RET: variants seen among roughly 807,000 people sequenced by gnomAD.
The protein encoded by RET is ret proto-oncogene.
In RET, 19 loss-of-function variants were observed where a neutral mutation model predicts 118.3. That is an observed-to-expected ratio of 0.16 (90% CI 0.11 to 0.24). The LOEUF (loss-of-function observed/expected upper bound fraction) is 0.24. RET is among the 10% of genes least tolerant of loss of function. The pLI is 1.00. For missense variants in RET, 1,219 were observed against 1,502.1 expected, an observed-to-expected ratio of 0.81 and a Z score of 3.12; for synonymous variants, 597 against 644.1, an observed-to-expected ratio of 0.93 and a Z score of 1.11.
rs1406283210 is a variant in RET at position 43,077,297 on chromosome 10, G to A, written c.39G>A (p.Leu13=). ...CGTCCGGTGCCGCGGGGCTGCGTCT[G>A]CTGTTGCTGCTGCTGCTGCCGCTGC... ...KATSGAAGLR[L]LLLLLLPLLG... is the part of the protein sequence containing the mutation. The change falls in exon 1 of 20, where the codon CTG becomes CTA. Residue 13 remains leucine, a synonymous_variant. Transcript: ENST00000355710. The A allele has an allele frequency of 6.6e-7, 1 of 1,511,942 alleles. No individual in the cohort carries two copies. The highest frequency in any genetic ancestry group is 2.6e-5 in the East Asian group (1 of 38,748). 93.7% of individuals were successfully genotyped at this position (1,511,942 alleles called of 1,614,324 possible).
rs1163879495 is a variant in RET at position 43,106,354 on chromosome 10, C to T, written c.868-22C>T. ...AGGGGCCCATCTCGCCTGCACTGACCAACGCCCTCTGCATCCTGCAGGACA... is the reference window on the plus strand; with the variant it reads ...AGGGGCCCATCTCGCCTGCACTGACTAACGCCCTCTGCATCCTGCAGGACA... On this transcript the variant is annotated intron_variant, in intron 4 of 19. Coordinates refer to ENST00000355710, the MANE Select transcript of RET (RefSeq NM_020975.6). The surrounding 1 kb of genome is among the most constrained non-coding windows in gnomAD (Gnocchi z 5.1). 6.2e-7 allele frequency: 1 copy of T among 1,605,126 alleles called. No homozygotes were observed. Among genetic ancestry groups the T allele is most frequent in the Admixed American group, 1.7e-5 (1 of 60,000 alleles).
At chr10:43,121,713 T>A (rs1015529043) in intron 15 of RET, among the ~76,000 whole-genome samples, 4 of 152,132 alleles carry the variant, frequency 2.6e-5, no homozygotes, top group African/African-American at 9.7e-5. Context: ...AAGCTGGCCC[T>A]GTGTGCCTGT....
At chr10:43,096,346 G>A (rs138282163) in intron 1 of RET, among the ~76,000 whole-genome samples, 128 of 152,154 alleles carry the variant, frequency 8.4e-4, no homozygotes, top group African/African-American at 2.9e-3. Context: ...ACCTGCTGGC[G>A]CCTGGCTTCC....
intron 3 of RET, 24 bp downstream of exon 3, chr10:43,102,653 GC>G (rs1837668935): frequency 9.9e-6 from 16 of 1,613,008 alleles, no homozygotes; most frequent in African/African-American, 2.7e-5. Context: ...TTGTGGGGCC[GC>G]CCCACAGTGC....
At chr10:43,097,693 C>T (rs1263178325) in intron 1 of RET, among the ~76,000 whole-genome samples, 1 of 152,248 alleles carries the variant, frequency 6.6e-6, no homozygotes, top group Non-Finnish European at 1.5e-5. Flanking sequence ...GTACAGTGAG[C>T]ACTTCAAGAG....
chr10:43,114,597 A>C lies in RET; in HGVS notation c.1997A>C (p.Lys666Thr), dbSNP rs377767439. The C allele has an allele frequency of 6.2e-7, 1 of 1,612,694 alleles. No individual in the cohort carries two copies. Among genetic ancestry groups the C allele is most frequent in the South Asian group, 1.1e-5 (1 of 91,044 alleles). Residue 666 changes from lysine (K) to threonine (T), a missense_variant, in exon 11 of 20, where the codon AAG (lysine) becomes ACG (threonine). Around this residue, in one of 5 missense-constraint regions of RET, gnomAD observed 850 missense variants for 969.6 expected, o/e 0.88. Transcript: ENST00000355710. The surrounding 1 kb of genome is among the most constrained non-coding windows in gnomAD (Gnocchi z 4.6). ...CACTGCTACCACAAGTTTGCCCACA[A>C]GCCACCCATCTCCTCAGCTGAGATG... ...CIHCYHKFAH[K>T]PPISSAEMTF...
At chr10:43,098,153 A>T (rs1022371702) in intron 1 of RET, among the ~76,000 whole-genome samples, 1 of 152,168 alleles carries the variant, frequency 6.6e-6, no homozygotes, top group African/African-American at 2.4e-5. Flanking sequence ...AAGTACATTC[A>T]CATTGTTGTA....
At chr10:43,086,354 G>A (rs951327930) in intron 1 of RET, among the ~76,000 whole-genome samples, 1 of 152,230 alleles carries the variant, frequency 6.6e-6, no homozygotes, top group Admixed American at 6.5e-5. Flanking sequence ...AGGGGCTGGG[G>A]TAGGGCGAAA....
chr10:43,107,091 G>A (rs1252250474), intron 5 of RET, among the ~76,000 whole-genome samples: 1 of 152,196 alleles, frequency 6.6e-6, no homozygotes, highest in African/African-American at 2.4e-5. Flanking sequence ...TTCAGCAGCG[G>A]CCTTGCTTCC....
rs377767441 is a variant in RET at position 43,114,698 on chromosome 10, A to G, written c.2098A>G (p.Met700Val). 1 of 1,611,886 alleles carries G rather than the reference A, an allele frequency of 6.2e-7. No individual in the cohort carries two copies. The highest frequency in any genetic ancestry group is 1.3e-5 in the African/African-American group (1 of 74,902). The change falls in exon 11 of 20, where the codon ATG (methionine) becomes GTG (valine). Residue 700 changes from methionine to valine, a missense_variant. Physicochemically the swap from Met to Val is conservative, Grantham distance 21. This residue lies in a region of RET where 850 missense variants were observed against 969.6 expected (regional missense o/e 0.88). Transcript: ENST00000355710. This position sits in a 1 kb window ranked among gnomAD's most constrained non-coding sequence, Gnocchi z 4.6. ...TGCCCGCCGGCCCTCGCTGGACTCC[A>G]TGGAGAACCAGGTCTCCGTGGATGC... ...SGARRPSLDS[M>V]ENQVSVDAFK...
At chr10:43,095,547 C>T (rs1488634559) in intron 1 of RET, among the ~76,000 whole-genome samples, 2 of 152,142 alleles carry the variant, frequency 1.3e-5, no homozygotes, top group African/African-American at 2.4e-5. Flanking sequence ...CAGGACTGGT[C>T]CCCTCTGCAT....
At position 43,093,600 on chromosome 10, in the gene RET, G is replaced by A. The variant is rs146215832; in HGVS notation, c.74-6859G>A. Among the ~76,000 whole-genome samples the A allele has an allele frequency of 7.2e-3, 1,100 of 152,324 alleles. 8 individuals are homozygous for A. Among genetic ancestry groups the A allele is most frequent in the Non-Finnish European group, 9.3e-3 (634 of 68,026 alleles). On this transcript the variant is annotated intron_variant, in intron 1 of 19. Coordinates refer to ENST00000355710, the MANE Select transcript of RET (RefSeq NM_020975.6). Reference sequence around the variant, plus strand: ...CCACTGCCACCATCTGGAGGACAGGGTGCAGAGGAGGAAACCAGCCGAGGG... The same window carrying A: ...CCACTGCCACCATCTGGAGGACAGGATGCAGAGGAGGAAACCAGCCGAGGG...
chr10:43,122,561 C>G (rs1032849257), intron 16 of RET, among the ~76,000 whole-genome samples: 3 of 152,194 alleles, frequency 2.0e-5, no homozygotes, highest in Non-Finnish European at 4.4e-5. Flanking sequence ...ACACAGGATT[C>G]TTGCCTCTAA....
intron 13 of RET, among the ~76,000 whole-genome samples, chr10:43,118,900 G>C (rs531250600): frequency 6.6e-6 from 1 of 152,344 alleles, no homozygotes; most frequent in South Asian, 2.1e-4. Context: ...TGCATGGCAG[G>C]AACATTGTCA....
intron 2 of RET, among the ~76,000 whole-genome samples, chr10:43,101,149 A>G (rs1837634309): frequency 6.6e-6 from 1 of 151,012 alleles, no homozygotes; most frequent in East Asian, 2.0e-4. Context: ...CTGCCCTTGT[A>G]CCTGGCAGGG....
At chr10:43,086,328 T>C (rs931977537) in intron 1 of RET, among the ~76,000 whole-genome samples, 7 of 152,186 alleles carry the variant, frequency 4.6e-5, no homozygotes, top group Admixed American at 1.3e-4. Flanking sequence ...CTGGTTAATG[T>C]TGAACAGGGA....
chr10:43,086,971 A>G (rs1837302608), intron 1 of RET, among the ~76,000 whole-genome samples: 1 of 152,120 alleles, frequency 6.6e-6, no homozygotes, highest in Admixed American at 6.5e-5. Flanking sequence ...CCATGCCTGG[A>G]CCCCTTCCCC....
chr10:43,092,839 T>C (rs966085434), intron 1 of RET, among the ~76,000 whole-genome samples: 6 of 152,218 alleles, frequency 3.9e-5, no homozygotes, highest in African/African-American at 1.4e-4. Context: ...ACTGCACGTG[T>C]GCACAGGGCG....
In RET at chr10:43,112,981, A is replaced by T; in HGVS notation, c.1759+18A>T. On this transcript the variant is annotated intron_variant, in intron 9 of 19. Transcript: ENST00000355710. ...CTGCCTCCGTAAGCAGGGTTTAATC[A>T]GGGCATGGGAACAGGTAGGAGATAG... The T allele has an allele frequency of 1.3e-6, 2 of 1,598,600 alleles. No individual in the cohort carries two copies. Among genetic ancestry groups the T allele is most frequent in the Non-Finnish European group, 1.7e-6 (2 of 1,165,766 alleles).
Sources: allele counts gnomAD v4.1 joint callset (sites outside exome capture counted in the v4.1 genomes callset), GRCh38; gene constraint gnomAD v4.1.1; regional missense constraint gnomAD v4.1.1; non-coding constraint Gnocchi (gnomAD v3.1); transcripts MANE v1.5; gene names NCBI Gene and HGNC (gene_info 2026-07-23, HGNC 2026-07-21).